The following PHF24 variants were observed in gnomAD, a reference collection of about 807,000 sequenced individuals.
PHF24 encodes the protein PHD finger protein 24.
A neutral mutation model predicts 42.6 loss-of-function variants in PHF24; 25 were observed. That is an observed-to-expected ratio of 0.59 (90% confidence interval 0.43 to 0.82). The LOEUF (loss-of-function observed/expected upper bound fraction) is 0.82, where lower values mean the gene tolerates loss of function less well. Among genes scored for constraint, PHF24 ranks in the 40% least tolerant of loss-of-function variants. The probability of loss-of-function intolerance (pLI) is 0.00; values close to 1 mark genes in which losing one functional copy is unlikely to be tolerated. For missense variants in PHF24, 470 were observed against 538.1 expected (o/e 0.87, Z 1.25); for synonymous variants, 185 against 204.8 (o/e 0.90, Z 0.83).
chr9:34,863,523 GGGTC>G, the PHF24 span, among the ~76,000 whole-genome samples: 1 of 152,162 alleles, frequency 6.6e-6, no homozygotes, highest in Non-Finnish European at 1.5e-5. Context: ...GGATTCTTCT[GGGTC>G]TTATTCAAGA....
the PHF24 span, chr9:34,832,793 A>C: frequency 6.4e-7 from 1 of 1,551,390 alleles, no homozygotes; most frequent in South Asian, 1.2e-5. Context: ...GGCTCAGGAA[A>C]GGCTGACCCT....
chr9:34,710,525 G>C, the PHF24 span, among the ~76,000 whole-genome samples: 3 of 146,972 alleles, frequency 2.0e-5, no homozygotes, highest in South Asian at 2.2e-4. Flanking sequence ...CTGGAGTGCA[G>C]TGGTTGATCT....
chr9:34,775,293 G>A, the PHF24 span, among the ~76,000 whole-genome samples: 2 of 152,130 alleles, frequency 1.3e-5, no homozygotes, highest in African/African-American at 4.8e-5. Context: ...GGATACAAAA[G>A]GACAGATATT....
At chr9:34,760,558 G>A in the PHF24 span, among the ~76,000 whole-genome samples, 1 of 152,172 alleles carries the variant, frequency 6.6e-6, no homozygotes, top group Non-Finnish European at 1.5e-5. Context: ...GTAGTGTCAG[G>A]CAGCAAAACC....
At chr9:34,832,561 C>T in the PHF24 span, 1 of 1,538,056 alleles carries the variant, frequency 6.5e-7, no homozygotes, top group East Asian at 2.5e-5. Flanking sequence ...GCAACATTTT[C>T]TTTTCTGGTT....
the PHF24 span, chr9:34,691,259 T>A: frequency 1.3e-6 from 1 of 756,450 alleles, no homozygotes; most frequent in South Asian, 1.8e-5. Flanking sequence ...AAGGTGTGAG[T>A]GATGTGAGGC....
At chr9:34,857,789 G>A in the PHF24 span, among the ~76,000 whole-genome samples, 1 of 152,174 alleles carries the variant, frequency 6.6e-6, no homozygotes, top group Admixed American at 6.5e-5. Flanking sequence ...AACATTCTTT[G>A]AGTTCATATG....
At chr9:34,742,197 G>A in the PHF24 span, among the ~76,000 whole-genome samples, 1 of 152,188 alleles carries the variant, frequency 6.6e-6, no homozygotes, top group Non-Finnish European at 1.5e-5. Flanking sequence ...TGCCCAGATT[G>A]AAGGGAATAT....
chr9:34,716,929 A>G, the PHF24 span, among the ~76,000 whole-genome samples: 1 of 152,116 alleles, frequency 6.6e-6, no homozygotes, highest in Non-Finnish European at 1.5e-5. Flanking sequence ...CTTTCAAGCT[A>G]GTCTGGAGAG....
At chr9:34,834,104 T>A in the PHF24 span, 1 of 1,375,554 alleles carries the variant, frequency 7.3e-7, no homozygotes, top group Non-Finnish European at 9.8e-7. Context: ...AACTTTGTGA[T>A]GTAGGTCTGG....
At chr9:34,922,365 T>C in the PHF24 span, 1 of 1,503,628 alleles carries the variant, frequency 6.7e-7, no homozygotes, top group Non-Finnish European at 9.2e-7. Context: ...GCAGGCTTTC[T>C]CTGGGGAATT....
chr9:34,972,468 A>G, exon 3 of PHF24: 2 of 1,614,110 alleles, frequency 1.2e-6, no homozygotes, highest in South Asian at 1.1e-5. Context: ...ACATCCAAGG[A>G]GACAGTGCAG....
At chr9:34,833,328 C>A in the PHF24 span, 15 of 1,551,198 alleles carry the variant, frequency 9.7e-6, no homozygotes, top group Non-Finnish European at 1.2e-5. Flanking sequence ...ATCTTGGAGA[C>A]CGAGTGGGCA....
At chr9:34,728,505 C>T in the PHF24 span, 5 of 1,113,078 alleles carry the variant, frequency 4.5e-6, no homozygotes, top group Non-Finnish European at 6.5e-6. Flanking sequence ...CTGGAGTCTT[C>T]AGTGGCAGAG....
At chr9:34,919,017 AT>A in the PHF24 span, among the ~76,000 whole-genome samples, 1 of 152,184 alleles carries the variant, frequency 6.6e-6, no homozygotes, top group African/African-American at 2.4e-5. Flanking sequence ...CAAACGTTTG[AT>A]TTTAATTTCA....
At chr9:34,916,654 C>T in the PHF24 span, among the ~76,000 whole-genome samples, 79 of 152,228 alleles carry the variant, frequency 5.2e-4, no homozygotes, top group Non-Finnish European at 8.7e-4. Flanking sequence ...TGACAATTTG[C>T]AAAGGCATAG....
At chr9:34,913,190 CT>C in the PHF24 span, among the ~76,000 whole-genome samples, 1 of 151,890 alleles carries the variant, frequency 6.6e-6, no homozygotes, top group African/African-American at 2.4e-5. Flanking sequence ...ATCATGAGGA[CT>C]TTGGGGACAA....
chr9:34,690,423 C>CCT, the PHF24 span: 1 of 913,262 alleles, frequency 1.1e-6, no homozygotes, highest in Non-Finnish European at 1.6e-6. Flanking sequence ...ATTGAGGACA[C>CCT]CTGTGTGTGT....
the PHF24 span, among the ~76,000 whole-genome samples, chr9:34,950,339 G>A: frequency 3.7e-5 from 5 of 135,714 alleles, no homozygotes; most frequent in African/African-American, 5.5e-5. Flanking sequence ...GTGACAGAGC[G>A]AGACTCTGTC....
Sources: gnomAD v4.1 joint callset for allele counts (sites outside exome capture counted in the v4.1 genomes callset) on GRCh38, gnomAD v4.1.1 for gene constraint, MANE v1.5 for transcripts, NCBI Gene and HGNC (gene_info 2026-07-23, HGNC 2026-07-21) for gene names.